The following NELL1 variants were observed in gnomAD, a reference collection of about 807,000 sequenced individuals.
NELL1 encodes the protein protein kinase C-binding protein NELL1.
In NELL1, 76 loss-of-function variants were observed where a neutral mutation model predicts 107.4. The observed-to-expected ratio is 0.71, with a 90% CI of 0.59 to 0.86. The LOEUF is 0.86. Among genes scored for constraint, NELL1 ranks in the 40% least tolerant of loss-of-function variants. The probability of loss-of-function intolerance (pLI) is 0.00; values close to 1 mark genes in which losing one functional copy is unlikely to be tolerated. For synonymous variants in NELL1, 353 were observed against 341.2 expected (o/e 1.03, Z -0.38); for missense variants, 1,024 against 1,005.5 (o/e 1.02, Z -0.25).
intron 2 of NELL1, among the ~76,000 whole-genome samples, chr11:20,746,445 A>G (rs1215347549): frequency 6.6e-6 from 1 of 152,158 alleles, no homozygotes; most frequent in Admixed American, 6.6e-5. Flanking sequence ...CTAATCTGTA[A>G]GATGGAGATA....
chr11:21,198,793 G>C (rs1010802820), intron 13 of NELL1, among the ~76,000 whole-genome samples: 1 of 152,068 alleles, frequency 6.6e-6, no homozygotes, highest in African/African-American at 2.4e-5. Flanking sequence ...CATTTTGCTT[G>C]GCTAACTCCT....
At chr11:21,436,209 C>G (rs1029557984) in intron 15 of NELL1, among the ~76,000 whole-genome samples, 4 of 152,098 alleles carry the variant, frequency 2.6e-5, no homozygotes, top group Non-Finnish European at 5.9e-5. Flanking sequence ...TGTGCGCCAC[C>G]ACGTCCAGCT....
At chr11:21,252,466 G>A (rs147795604) in intron 14 of NELL1, among the ~76,000 whole-genome samples, 4 of 152,228 alleles carry the variant, frequency 2.6e-5, no homozygotes, top group Admixed American at 6.5e-5. Flanking sequence ...TTGACCATGC[G>A]TAAGTTTCTT....
At chr11:20,672,985 C>CGG (rs1555050541) in intron 1 of NELL1, among the ~76,000 whole-genome samples, 2 of 115,856 alleles carry the variant, frequency 1.7e-5, no homozygotes, top group Admixed American at 8.6e-5. Context: ...CCCCCCCCCC[C>CGG]CCGAGTAGCT....
At chr11:21,375,044 T>A (rs554114868) in intron 15 of NELL1, among the ~76,000 whole-genome samples, 28 of 152,114 alleles carry the variant, frequency 1.8e-4, no homozygotes, top group African/African-American at 6.7e-4. Flanking sequence ...GTGTTCTTAA[T>A]CCTTTTTTCA....
intron 2 of NELL1, among the ~76,000 whole-genome samples, chr11:20,721,694 TATA>T (rs1406920296): frequency 6.6e-6 from 1 of 152,108 alleles, no homozygotes; most frequent in Non-Finnish European, 1.5e-5. Context: ...TCTAGCATAA[TATA>T]ATATTTTAAT....
rs984490833 is a variant in NELL1, at chr11:21,078,132, C to T, written c.1301-35457C>T. Among the ~76,000 whole-genome samples, 19 of 151,952 alleles carry T rather than the reference C, an allele frequency of 1.3e-4. No homozygotes were observed. The East Asian group carries it at 1.5e-3, about 12-fold the overall frequency. On this transcript the variant is annotated intron_variant, in intron 12 of 19. Coordinates refer to ENST00000357134, the MANE Select transcript of NELL1 (RefSeq NM_006157.5). Reference sequence around the variant, plus strand: ...GAGGATAAAAGAATGAAAAGTATAACCTCAAAGAAACAAAAATCTAGTGCA... The same window carrying T: ...GAGGATAAAAGAATGAAAAGTATAATCTCAAAGAAACAAAAATCTAGTGCA...
intron 15 of NELL1, among the ~76,000 whole-genome samples, chr11:21,390,057 T>C (rs1474482861): frequency 6.6e-6 from 1 of 151,764 alleles, no homozygotes; most frequent in Non-Finnish European, 1.5e-5. Context: ...TGTAATTTTG[T>C]CAGTACTTAC....
At chr11:21,092,545 A>G (rs1448802488) in intron 12 of NELL1, among the ~76,000 whole-genome samples, 2 of 152,220 alleles carry the variant, frequency 1.3e-5, no homozygotes, top group Non-Finnish European at 2.9e-5. Flanking sequence ...GATAATGATG[A>G]TGATGATAAT....
At chr11:20,934,593 G>T (rs1167962765) in intron 9 of NELL1, among the ~76,000 whole-genome samples, 1 of 152,220 alleles carries the variant, frequency 6.6e-6, no homozygotes, top group Non-Finnish European at 1.5e-5. Flanking sequence ...ACCATTGTGG[G>T]AGTGGCAAGG....
intron 2 of NELL1, among the ~76,000 whole-genome samples, chr11:20,706,977 A>T (rs1001572285): frequency 1.3e-5 from 2 of 150,702 alleles, no homozygotes; most frequent in African/African-American, 2.4e-5. Flanking sequence ...ACTTGGTTCC[A>T]CTCTCCCCAT....
At chr11:20,729,323 G>A (rs142251742) in intron 2 of NELL1, among the ~76,000 whole-genome samples, 87 of 152,142 alleles carry the variant, frequency 5.7e-4, no homozygotes, top group African/African-American at 2.0e-3. Flanking sequence ...GATTGCTCTA[G>A]CTAGCACTTC....
chr11:20,763,545 C>T (rs1303353512), intron 2 of NELL1, among the ~76,000 whole-genome samples: 2 of 152,126 alleles, frequency 1.3e-5, no homozygotes, highest in African/African-American at 4.8e-5. Context: ...GATGGTGCAT[C>T]CCAGATCTTC....
At chr11:20,838,960 G>A (rs184023627) in intron 3 of NELL1, among the ~76,000 whole-genome samples, 1 of 152,056 alleles carries the variant, frequency 6.6e-6, no homozygotes, top group Non-Finnish European at 1.5e-5. Context: ...TAGTGCCTTC[G>A]GCTTGGTTGC....
chr11:21,015,138 C>T (rs1440780800), intron 12 of NELL1, among the ~76,000 whole-genome samples: 2 of 151,800 alleles, frequency 1.3e-5, no homozygotes, highest in Admixed American at 1.3e-4. Context: ...TTCCTTTTCC[C>T]CTTATTCTGT....
chr11:21,306,122 A>G lies in NELL1; in HGVS notation c.1550-64731A>G, dbSNP rs149116340. ...CTTCTCTGAAATGCCTGCTCATGCC[A>G]TTGGATATTTTATCTTTTGGAGCCT... is the stretch of plus-strand genomic sequence containing the variant. On this transcript the variant is annotated intron_variant, in intron 14 of 19. Coordinates refer to ENST00000357134, the MANE Select transcript of NELL1 (RefSeq NM_006157.5). Among the ~76,000 whole-genome samples, 308 of 152,064 alleles carry G rather than the reference A, an allele frequency of 2.0e-3. 2 individuals carry two copies. Among genetic ancestry groups the G allele is most frequent in the African/African-American group, 7.0e-3 (291 of 41,524 alleles).
At chr11:21,398,244 C>T (rs1332485438) in intron 15 of NELL1, among the ~76,000 whole-genome samples, 1 of 151,616 alleles carries the variant, frequency 6.6e-6, no homozygotes, top group Non-Finnish European at 1.5e-5. Flanking sequence ...TATAGATGGG[C>T]ACCATAGTTC....
chr11:21,344,353 T>C (rs945475556), intron 14 of NELL1, among the ~76,000 whole-genome samples: 15 of 152,176 alleles, frequency 9.9e-5, no homozygotes, highest in African/African-American at 3.6e-4. Flanking sequence ...GCAGTACTAA[T>C]TGAGTTCTGT....
chr11:21,151,833 AG>A (rs1856124623), intron 13 of NELL1, among the ~76,000 whole-genome samples: 1 of 152,222 alleles, frequency 6.6e-6, no homozygotes. Flanking sequence ...TCAAATGAAT[AG>A]CCCCAAGCAT....
Sources: allele counts gnomAD v4.1 joint callset (sites outside exome capture counted in the v4.1 genomes callset), GRCh38; gene constraint gnomAD v4.1.1; transcripts MANE v1.5; gene names NCBI Gene and HGNC (gene_info 2026-07-23, HGNC 2026-07-21).